CDH12: variants seen among roughly 807,000 people sequenced by gnomAD.
The protein encoded by CDH12 is cadherin 12, also known as cadherin-12.
A neutral mutation model predicts 74.1 loss-of-function variants in CDH12; 41 were observed. That is an observed-to-expected ratio of 0.55 (90% CI 0.43 to 0.72). CDH12 has a LOEUF of 0.72. Ranked by LOEUF, CDH12 falls within the 30% of genes least tolerant of loss-of-function variation. CDH12 has a pLI of 0.00. For synonymous variants in CDH12, 399 were observed against 355.0 expected (o/e 1.12, Z -1.39); for missense variants, 945 against 977.2 (o/e 0.97, Z 0.44).
At chr5:22,544,178 G>T (rs776533341) in intron 1 of CDH12, among the ~76,000 whole-genome samples, 2 of 151,248 alleles carry the variant, frequency 1.3e-5, no homozygotes, top group Non-Finnish European at 2.9e-5. Flanking sequence ...TCTCCTCTAG[G>T]TTGTCTCCAA....
At chr5:22,513,196 T>A (rs1736681626) in intron 1 of CDH12, among the ~76,000 whole-genome samples, 1 of 152,132 alleles carries the variant, frequency 6.6e-6, no homozygotes, top group Admixed American at 6.6e-5. Context: ...GCACGGTACT[T>A]AGAATTCCTT....
intron 3 of CDH12, among the ~76,000 whole-genome samples, chr5:22,358,818 A>G (rs1740675497): frequency 6.6e-6 from 1 of 152,212 alleles, no homozygotes; most frequent in Non-Finnish European, 1.5e-5. Context: ...GGTAGTTCAC[A>G]TTGATTGATT....
chr5:22,609,148 G>A (rs898939428), intron 1 of CDH12, among the ~76,000 whole-genome samples: 2 of 152,086 alleles, frequency 1.3e-5, no homozygotes, highest in African/African-American at 4.8e-5. Context: ...TTTCTCCAAG[G>A]CATCAAATCG....
intron 3 of CDH12, among the ~76,000 whole-genome samples, chr5:22,366,823 A>G (rs1741052758): frequency 6.6e-6 from 1 of 152,180 alleles, no homozygotes. Context: ...GTATAACTGA[A>G]TGGAGTACTA....
At chr5:21,863,868 G>C (rs1364731072) in intron 6 of CDH12, among the ~76,000 whole-genome samples, 2 of 152,140 alleles carry the variant, frequency 1.3e-5, no homozygotes, top group East Asian at 1.9e-4. Context: ...GTAACAAAAA[G>C]AGAGAGATTT....
intron 4 of CDH12, among the ~76,000 whole-genome samples, chr5:22,137,064 T>C (rs1414251777): frequency 6.6e-6 from 1 of 151,586 alleles, no homozygotes. Flanking sequence ...TGAATATCTC[T>C]CTATGAAATT....
chr5:21,948,110 C>G (rs1392254890), intron 6 of CDH12, among the ~76,000 whole-genome samples: 2 of 152,158 alleles, frequency 1.3e-5, no homozygotes, highest in Non-Finnish European at 2.9e-5. Context: ...AGGGGTGGAG[C>G]CATCATGGAG....
rs192772950 is a variant in CDH12 at position 22,716,008 on chromosome 5, G to C, written c.-523+137050C>G. Among the ~76,000 whole-genome samples, 658 of 151,800 alleles carry C rather than the reference G, an allele frequency of 4.3e-3. 5 individuals carry two copies. The highest frequency in any genetic ancestry group is 5.5e-3 in the Admixed American group (84 of 15,236). On this transcript the variant is annotated intron_variant, in intron 1 of 14. Coordinates refer to ENST00000382254, the MANE Select transcript of CDH12 (RefSeq NM_004061.5). ...AAAAATTAGCCGAGTGTGATGGTGCGTGCCTGTAATCTCAGCTACTTGGGA... is the reference window on the plus strand; with the variant it reads ...AAAAATTAGCCGAGTGTGATGGTGCCTGCCTGTAATCTCAGCTACTTGGGA...
At chr5:22,224,721 T>C (rs912567242) in intron 3 of CDH12, among the ~76,000 whole-genome samples, 1 of 152,002 alleles carries the variant, frequency 6.6e-6, no homozygotes, top group Non-Finnish European at 1.5e-5. Flanking sequence ...TTGTCGGCAA[T>C]ATCAATTTAA....
At chr5:22,395,455 T>C (rs1456253156) in intron 3 of CDH12, among the ~76,000 whole-genome samples, 1 of 152,144 alleles carries the variant, frequency 6.6e-6, no homozygotes, top group African/African-American at 2.4e-5. Context: ...AAGTTTTTAA[T>C]AATGTGTTTG....
chr5:22,154,324 G>A (rs1398190080), intron 4 of CDH12, among the ~76,000 whole-genome samples: 1 of 151,004 alleles, frequency 6.6e-6, no homozygotes, highest in African/African-American at 2.4e-5. Context: ...TCTACATTAG[G>A]TCTCCAGAAA....
intron 4 of CDH12, among the ~76,000 whole-genome samples, chr5:22,176,172 T>A (rs1169798811): frequency 6.6e-6 from 1 of 151,838 alleles, no homozygotes; most frequent in East Asian, 1.9e-4. Flanking sequence ...TGAATGTCCA[T>A]ATCATCCTTA....
At chr5:22,072,530 T>C (rs1001138207) in intron 5 of CDH12, among the ~76,000 whole-genome samples, 1 of 146,244 alleles carries the variant, frequency 6.8e-6, no homozygotes, top group Admixed American at 6.9e-5. Flanking sequence ...TATAGCACTT[T>C]TGTGTGTGTG....
chr5:22,354,539 C>G (rs960521798), intron 3 of CDH12, among the ~76,000 whole-genome samples: 17 of 152,264 alleles, frequency 1.1e-4, no homozygotes, highest in African/African-American at 3.9e-4. Context: ...TGACACTAAG[C>G]AAAGCTGCTT....
At chr5:22,210,007 G>A (rs1365134397) in intron 4 of CDH12, among the ~76,000 whole-genome samples, 7 of 147,602 alleles carry the variant, frequency 4.7e-5, no homozygotes, top group African/African-American at 1.7e-4. Flanking sequence ...GGAAAATGAG[G>A]GCAAATAACA....
At chr5:22,839,705 T>G (rs1271056720) in intron 1 of CDH12, among the ~76,000 whole-genome samples, 1 of 152,162 alleles carries the variant, frequency 6.6e-6, no homozygotes, top group Non-Finnish European at 1.5e-5. Context: ...TCTAATTTGC[T>G]TTAAGTCAAC....
intron 3 of CDH12, among the ~76,000 whole-genome samples, chr5:22,379,750 A>C (rs1741681928): frequency 6.6e-6 from 1 of 152,194 alleles, no homozygotes; most frequent in African/African-American, 2.4e-5. Context: ...CTTTTTATTT[A>C]TCTATTTATT....
rs373981477 is a variant in CDH12 at position 21,826,600 on chromosome 5, G to A, written c.815-9468C>T. On this transcript the variant is annotated intron_variant, in intron 8 of 14. Coordinates refer to ENST00000382254, the MANE Select transcript of CDH12 (RefSeq NM_004061.5). ...CATTCTGCACAGCAAGGATAGAGAGGTCATTTCCATCACTCCTAGGTAAAA... is the reference window on the plus strand; with the variant it reads ...CATTCTGCACAGCAAGGATAGAGAGATCATTTCCATCACTCCTAGGTAAAA... 1.5e-4 allele frequency among the ~76,000 whole-genome samples: 23 copies of A among 152,240 alleles called. No individual in the cohort carries two copies. In the South Asian group the frequency reaches 4.6e-3, roughly 30 times the overall value.
intron 6 of CDH12, among the ~76,000 whole-genome samples, chr5:21,902,942 A>C (rs1579937409): frequency 6.6e-6 from 1 of 152,248 alleles, no homozygotes; most frequent in East Asian, 1.9e-4. Flanking sequence ...TAGGAAAATA[A>C]GACTGCGCAT....
Sources: allele counts gnomAD v4.1 joint callset (sites outside exome capture counted in the v4.1 genomes callset), GRCh38; gene constraint gnomAD v4.1.1; transcripts MANE v1.5; gene names NCBI Gene and HGNC (gene_info 2026-07-23, HGNC 2026-07-21).